Variants in NUP210 observed in about 807,000 individuals in gnomAD.
NUP210 encodes the protein nuclear pore membrane glycoprotein 210.
A neutral mutation model predicts 196.0 loss-of-function variants in NUP210; 151 were observed. That is an observed-to-expected ratio of 0.77 (90% CI 0.67 to 0.88). The LOEUF (loss-of-function observed/expected upper bound fraction) is 0.88, where lower values mean the gene tolerates loss of function less well. Among genes scored for constraint, NUP210 ranks in the 40% least tolerant of loss-of-function variants. The pLI is 0.00. For synonymous variants in NUP210, 1,070 were observed against 1,052.7 expected (o/e 1.02, Z -0.32); for missense variants, 2,314 against 2,493.7 (o/e 0.93, Z 1.53).
At chr3:13,364,036 C>T (rs562276960) in intron 14 of NUP210, among the ~76,000 whole-genome samples, 3 of 152,192 alleles carry the variant, frequency 2.0e-5, no homozygotes, top group African/African-American at 7.2e-5. Flanking sequence ...ACACTCTCAC[C>T]TGCTGCAGTG....
rs1410936641 is a variant in NUP210, at chr3:13,347,079, CAT to C, written c.2836-3778_2836-3777del. On this transcript the variant is annotated intron_variant, in intron 20 of 39. Transcript: ENST00000254508. This position sits in a 1 kb window ranked among gnomAD's most constrained non-coding sequence, Gnocchi z 4.7. ...ACCCACTCCCCACTCATCCTGGACA[CAT>C]GTCCTCACCTGAACAATGGCCCCAT... The C allele has an allele frequency of 1.0e-6, 1 of 985,472 alleles. No homozygotes were observed. Among genetic ancestry groups the C allele is most frequent in the African/African-American group, 1.7e-5 (1 of 57,378 alleles). The allele number at this position is 985,472 out of a possible 1,614,324, so 61.0% of individuals were successfully genotyped here. A position where few individuals can be genotyped will look rare whatever the true frequency, so the allele number is the denominator to read the frequency against.
chr3:13,359,846 T>C (rs1301169889), intron 15 of NUP210, among the ~76,000 whole-genome samples: 1 of 152,040 alleles, frequency 6.6e-6, no homozygotes, highest in Non-Finnish European at 1.5e-5. Context: ...AGAGATTACC[T>C]ATACAAAAAA....
At chr3:13,376,149 C>G (rs1475338327) in intron 10 of NUP210, 142 bp downstream of exon 10, 2 of 777,298 alleles carry the variant, frequency 2.6e-6, no homozygotes, top group Admixed American at 5.0e-5. Flanking sequence ...AAAATAGAAC[C>G]CAGGATGCAA....
Position 13,413,238 on chromosome 3 carries a change from C to T in NUP210, c.167+6822G>A, listed in dbSNP as rs1463026659. On this transcript the variant is annotated intron_variant, in intron 1 of 39. Coordinates refer to ENST00000254508, the MANE Select transcript of NUP210 (RefSeq NM_024923.4). ...ATCCCAGCACTTTGGGAGGCCGAGA[C>T]GGGCGGATCACGAGGTCAGGAGATC... 5.3e-5 allele frequency among the ~76,000 whole-genome samples: 8 copies of T among 152,018 alleles called. 1 individual carries two copies. Among genetic ancestry groups the T allele is most frequent in the Non-Finnish European group, 7.4e-5 (5 of 67,988 alleles).
chr3:13,363,375 T>C (rs763700094), intron 14 of NUP210, among the ~76,000 whole-genome samples: 78 of 152,208 alleles, frequency 5.1e-4, no homozygotes, highest in Non-Finnish European at 8.5e-4. Context: ...CCACTGTGTA[T>C]CTTGCCAAAG....
intron 16 of NUP210, among the ~76,000 whole-genome samples, chr3:13,357,776 A>G (rs1433470654): frequency 6.6e-6 from 1 of 151,622 alleles, no homozygotes. Context: ...TTGAAACACA[A>G]CCCCACGTCA....
At chr3:13,356,838 A>G (rs529724954) in intron 16 of NUP210, among the ~76,000 whole-genome samples, 14 of 152,334 alleles carry the variant, frequency 9.2e-5, no homozygotes, top group African/African-American at 3.1e-4. Flanking sequence ...ATCATATTTA[A>G]GTCCAGAGAG....
chr3:13,357,352 C>T (rs762310882), intron 16 of NUP210, among the ~76,000 whole-genome samples: 8 of 152,224 alleles, frequency 5.3e-5, no homozygotes, highest in Non-Finnish European at 8.8e-5. Flanking sequence ...CACTCTGCTG[C>T]GTGCCCTATT....
intron 1 of NUP210, among the ~76,000 whole-genome samples, chr3:13,417,916 G>A (rs1700398537): frequency 6.6e-6 from 1 of 152,158 alleles, no homozygotes; most frequent in East Asian, 1.9e-4. Flanking sequence ...AATGATGTTG[G>A]GGGGGAAAAA....
At chr3:13,406,169 C>T (rs989868548) in intron 1 of NUP210, among the ~76,000 whole-genome samples, 2 of 152,144 alleles carry the variant, frequency 1.3e-5, no homozygotes, top group Admixed American at 6.5e-5. Context: ...AGGCACACCT[C>T]GGGGAAGTGT....
rs570796845 is a variant in NUP210 at position 13,410,714 on chromosome 3, G to C, written c.167+9346C>G. Reference sequence around the variant, plus strand: ...GGGTGGATCACGAGGTCAGGAGATCGAGACCATCCCGGCTAACATGGTGAA... The same window carrying C: ...GGGTGGATCACGAGGTCAGGAGATCCAGACCATCCCGGCTAACATGGTGAA... On this transcript the variant is annotated intron_variant, in intron 1 of 39. Transcript: ENST00000254508. Among the ~76,000 whole-genome samples, 316 of 147,112 alleles carry C rather than the reference G, an allele frequency of 2.1e-3. 2 individuals carry two copies. Among genetic ancestry groups the C allele is most frequent in the African/African-American group, 7.7e-3 (308 of 39,852 alleles).
Position 13,419,276 on chromosome 3 carries a change from G to A in NUP210, c.167+784C>T, listed in dbSNP as rs142918555. 3.6e-3 allele frequency among the ~76,000 whole-genome samples: 555 copies of A among 152,310 alleles called. 4 individuals carry two copies. The highest frequency in any genetic ancestry group is 0.01 in the African/African-American group (436 of 41,586). ...GCTAAGGGCGCTCAGTCGTGCCCAC[G>A]CAGCCTTGCCAGGGGCAGGAGCTCC... is the stretch of plus-strand genomic sequence containing the variant. On this transcript the variant is annotated intron_variant, in intron 1 of 39. Coordinates refer to ENST00000254508, the MANE Select transcript of NUP210 (RefSeq NM_024923.4).
intron 1 of NUP210, among the ~76,000 whole-genome samples, chr3:13,419,562 T>C (rs958764126): frequency 6.6e-6 from 1 of 152,130 alleles, no homozygotes; most frequent in African/African-American, 2.4e-5. Flanking sequence ...AAAACTCCTT[T>C]CCTCCAGGGT....
chr3:13,377,345 C>G (rs543287744), intron 9 of NUP210, 111 bp downstream of exon 9: 4 of 753,182 alleles, frequency 5.3e-6, no homozygotes, highest in Non-Finnish European at 9.3e-6. Flanking sequence ...AGGACCCCTC[C>G]TCGGTCAGCC....
At chr3:13,386,496 A>G in intron 5 of NUP210, 89 bp from the exon 6 acceptor site, 2 of 1,496,458 alleles carry the variant, frequency 1.3e-6, no homozygotes, top group Non-Finnish European at 1.8e-6. Context: ...TGTTTTAAAC[A>G]TGGGAATAGG....
intron 16 of NUP210, among the ~76,000 whole-genome samples, chr3:13,356,883 A>G (rs988522041): frequency 6.6e-6 from 1 of 152,274 alleles, no homozygotes; most frequent in Non-Finnish European, 1.5e-5. Flanking sequence ...CCTGGCCAAC[A>G]GACAGACCAG....
chr3:13,358,563 A>G (rs1240856684), intron 15 of NUP210, among the ~76,000 whole-genome samples, 168 bp from the exon 16 acceptor site: 3 of 152,076 alleles, frequency 2.0e-5, no homozygotes, highest in African/African-American at 7.2e-5. Flanking sequence ...AGTGGCACAC[A>G]GGTGGGAATG....
Position 13,335,451 on chromosome 3 carries a change from T to G in NUP210, c.3843+3A>C. On this transcript the variant is annotated splice_donor_region_variant and intron_variant, in intron 28 of 39. Transcript: ENST00000254508. The stretch of plus-strand genomic sequence containing the variant: ...CCCTGTGGCCTTTCCACCTGCCTCC[T>G]ACCTGGACTTGGATCTCATCCGAGA... 6.2e-7 allele frequency: 1 copy of G among 1,611,328 alleles called. No homozygotes were observed. Among genetic ancestry groups the G allele is most frequent in the South Asian group, 1.1e-5 (1 of 91,034 alleles).
rs541927626 is a variant in NUP210, at chr3:13,346,668, T to C, written c.2836-3365A>G. ...CCACATCATCTCGGTCCCCGCTTCC[T>C]GGAGCCCTGATCACATTTCAGATTT... On this transcript the variant is annotated intron_variant, in intron 20 of 39. Coordinates refer to ENST00000254508, the MANE Select transcript of NUP210 (RefSeq NM_024923.4). Among the ~76,000 whole-genome samples the C allele has an allele frequency of 3.3e-4, 50 of 152,342 alleles. No homozygotes were observed. In the South Asian group the frequency reaches 0.01, roughly 31 times the overall value.
Sources: gnomAD v4.1 joint callset for allele counts (sites outside exome capture counted in the v4.1 genomes callset) on GRCh38, gnomAD v4.1.1 for gene constraint, Gnocchi (gnomAD v3.1) non-coding constraint, MANE v1.5 for transcripts, NCBI Gene and HGNC (gene_info 2026-07-23, HGNC 2026-07-21) for gene names.